LYRM4: variants seen among roughly 807,000 people sequenced by gnomAD.
LYRM4 encodes the protein LYR motif-containing protein 4.
LYRM4 carries 9 observed loss-of-function variants against 11.7 expected under a neutral mutation model. The ratio of observed to expected loss-of-function variants is 0.77; its 90% CI spans 0.46 to 1.34. The LOEUF (loss-of-function observed/expected upper bound fraction) is 1.34, where lower values mean the gene tolerates loss of function less well. Among genes scored for constraint, LYRM4 ranks in the 40% most tolerant of loss-of-function variants. The pLI is 0.00. For missense variants in LYRM4, 133 were observed against 112.5 expected (o/e 1.18, Z -0.82); for synonymous variants, 42 against 40.4 (o/e 1.04, Z -0.15).
chr6:5,151,391 G>A (rs1758080839), intron 2 of LYRM4, among the ~76,000 whole-genome samples: 1 of 152,068 alleles, frequency 6.6e-6, no homozygotes, highest in Non-Finnish European at 1.5e-5. Context: ...CCTCCAAAAT[G>A]CCTTTTAAAT....
intron 2 of LYRM4, among the ~76,000 whole-genome samples, chr6:5,185,417 A>C (rs1240954364): frequency 6.6e-6 from 1 of 152,196 alleles, no homozygotes; most frequent in African/African-American, 2.4e-5. Context: ...AGACATACCA[A>C]CAAATCTTGG....
chr6:5,155,845 G>A (rs952175912), intron 2 of LYRM4, among the ~76,000 whole-genome samples: 3 of 152,130 alleles, frequency 2.0e-5, no homozygotes, highest in Non-Finnish European at 2.9e-5. Context: ...TACACCTCTC[G>A]GAATTGTGTA....
intron 2 of LYRM4, among the ~76,000 whole-genome samples, chr6:5,173,017 G>A (rs1759516815): frequency 6.6e-6 from 1 of 152,060 alleles, no homozygotes; most frequent in Non-Finnish European, 1.5e-5. Context: ...TTTGTCTTTG[G>A]CCCTGACTGC....
chr6:5,257,971 G>A (rs142510368), intron 1 of LYRM4, among the ~76,000 whole-genome samples: 107 of 152,330 alleles, frequency 7.0e-4, no homozygotes, highest in African/African-American at 2.4e-3. Context: ...GTGGGATGAA[G>A]AGAGTTGGGA....
chr6:5,245,915 G>A (rs149818824), intron 1 of LYRM4, among the ~76,000 whole-genome samples: 4 of 152,326 alleles, frequency 2.6e-5, no homozygotes, highest in African/African-American at 9.6e-5. Context: ...CCCCAAATGG[G>A]AAGGTGACAG....
chr6:5,069,504 CG>C, the LYRM4 span, among the ~76,000 whole-genome samples: 2,457 of 150,560 alleles, frequency 0.016, 32 homozygotes, highest in African/African-American at 0.033. Context: ...TTTGTTTTTA[CG>C]AAGTCTTGCT....
At chr6:5,100,280 T>TG (rs1369471329), downstream of LYRM4, among the ~76,000 whole-genome samples, 1 of 152,166 alleles carries the variant, frequency 6.6e-6, no homozygotes, top group Non-Finnish European at 1.5e-5. Flanking sequence ...CTAAGGGCCA[T>TG]GGGGCCTCTC....
At chr6:5,119,262 A>G (rs1369440690) in intron 2 of LYRM4, among the ~76,000 whole-genome samples, 1 of 152,104 alleles carries the variant, frequency 6.6e-6, no homozygotes, top group Non-Finnish European at 1.5e-5. Context: ...AATAATTAAT[A>G]TGTTTCGTCT....
intron 2 of LYRM4, among the ~76,000 whole-genome samples, chr6:5,181,089 G>A (rs903188422): frequency 1.3e-5 from 2 of 151,916 alleles, no homozygotes; most frequent in East Asian, 1.9e-4. Flanking sequence ...GAATTTTCAC[G>A]CCAAATAAAC....
intron 2 of LYRM4, chr6:5,186,861 A>G (rs1275217376): frequency 8.4e-6 from 4 of 476,902 alleles, no homozygotes; most frequent in South Asian, 1.9e-5. Flanking sequence ...GCGTGCGCCT[A>G]TAATCCCAGC....
intron 1 of LYRM4, among the ~76,000 whole-genome samples, chr6:5,225,750 T>TA (rs1229279058): frequency 6.6e-6 from 1 of 152,194 alleles, no homozygotes; most frequent in Non-Finnish European, 1.5e-5. Context: ...CAAAGATAGA[T>TA]AAATATTTTA....
chr6:5,063,169 G>T, the LYRM4 span, among the ~76,000 whole-genome samples: 8 of 152,088 alleles, frequency 5.3e-5, no homozygotes, highest in Non-Finnish European at 1.2e-4. Flanking sequence ...GGGGCAAACT[G>T]GGCAGCAAGC....
Position 5,108,574 on chromosome 6 carries a change from G to A in LYRM4, c.*849C>T, listed in dbSNP as rs558707525. On this transcript the variant is annotated 3_prime_UTR_variant, in exon 3 of 3. Transcript: ENST00000330636. Reference sequence around the variant, plus strand: ...TACTGAGTCAGAATCTGCAGAGAGGGAAGTGCTGAGAGATGTCTTTTTAAA... The same window carrying A: ...TACTGAGTCAGAATCTGCAGAGAGGAAAGTGCTGAGAGATGTCTTTTTAAA... 5.5e-5 allele frequency: 19 copies of A among 344,026 alleles called. No homozygotes were observed. In the East Asian group the frequency reaches 2.3e-3, roughly 42 times the overall value. The allele number at this position is 344,026 out of a possible 1,614,324, so 21.3% of individuals were successfully genotyped here.
chr6:5,195,591 G>T (rs201670544), intron 2 of LYRM4, among the ~76,000 whole-genome samples: 1 of 152,142 alleles, frequency 6.6e-6, no homozygotes, highest in East Asian at 1.9e-4. Flanking sequence ...CTGAGATAGC[G>T]CCACTGCACT....
intron 2 of LYRM4, among the ~76,000 whole-genome samples, chr6:5,186,435 G>C (rs1016951786): frequency 6.6e-6 from 1 of 152,154 alleles, no homozygotes; most frequent in Non-Finnish European, 1.5e-5. Context: ...TGGTGTGTTG[G>C]ACTAAGACAA....
intron 2 of LYRM4, among the ~76,000 whole-genome samples, chr6:5,156,785 T>C (rs1447832637): frequency 6.6e-6 from 1 of 152,120 alleles, no homozygotes; most frequent in Non-Finnish European, 1.5e-5. Context: ...CGGGGAAAGA[T>C]GGATAGGAGA....
chr6:5,034,108 CT>C, the LYRM4 span: 1 of 152,314 alleles, frequency 6.6e-6, no homozygotes, highest in Non-Finnish European at 1.5e-5. Flanking sequence ...TCTACTGTCT[CT>C]GAGTGCAGGA....
At chr6:5,254,659 C>T (rs980277790) in intron 1 of LYRM4, among the ~76,000 whole-genome samples, 4 of 152,116 alleles carry the variant, frequency 2.6e-5, no homozygotes, top group Non-Finnish European at 5.9e-5. Context: ...GCTTATCTCC[C>T]GCTTAACCCA....
the LYRM4 span, among the ~76,000 whole-genome samples, chr6:5,040,316 A>AATAG: frequency 0.1 from 12,626 of 124,766 alleles, 668 homozygotes; most frequent in African/African-American, 0.11. Context: ...TATCTCTAAC[A>AATAG]ATAGATAGAT....
Sources: allele counts gnomAD v4.1 joint callset (sites outside exome capture counted in the v4.1 genomes callset), GRCh38; gene constraint gnomAD v4.1.1; transcripts MANE v1.5; gene names NCBI Gene and HGNC (gene_info 2026-07-23, HGNC 2026-07-21).